DTNBP1: variants seen among roughly 807,000 people sequenced by gnomAD.
DTNBP1 encodes the protein dysbindin.
DTNBP1 carries 35 observed loss-of-function variants against 42.8 expected under a neutral mutation model. The observed-to-expected ratio is 0.82, with a 90% CI of 0.63 to 1.09. The LOEUF is 1.09. Among genes scored for constraint, DTNBP1 ranks in the 50% least tolerant of loss-of-function variants. The probability of loss-of-function intolerance (pLI) is 0.00; values close to 1 mark genes in which losing one functional copy is unlikely to be tolerated. For missense variants in DTNBP1, 457 were observed against 424.2 expected (o/e 1.08, Z -0.68); for synonymous variants, 171 against 162.2 (o/e 1.05, Z -0.41).
chr6:15,630,295 AAGAG>A (rs975649583), intron 4 of DTNBP1, among the ~76,000 whole-genome samples: 1 of 152,228 alleles, frequency 6.6e-6, no homozygotes, highest in African/African-American at 2.4e-5. Flanking sequence ...TGAGAAAACT[AAGAG>A]AGGCCATGTT....
intron 8 of DTNBP1, among the ~76,000 whole-genome samples, chr6:15,527,737 A>G (rs1772503520): frequency 6.6e-6 from 1 of 152,216 alleles, no homozygotes; most frequent in East Asian, 1.9e-4. Flanking sequence ...CTCATCGTAA[A>G]TAGAGATGAA....
At chr6:15,612,921 C>T (rs981063317) in intron 6 of DTNBP1, among the ~76,000 whole-genome samples, 1 of 152,196 alleles carries the variant, frequency 6.6e-6, no homozygotes, top group Non-Finnish European at 1.5e-5. Context: ...TCTACCTCTG[C>T]TATCTTCCTC....
intron 6 of DTNBP1, among the ~76,000 whole-genome samples, chr6:15,596,051 G>T (rs959694290): frequency 2.0e-5 from 3 of 152,204 alleles, no homozygotes; most frequent in South Asian, 2.1e-4. Context: ...TTGGGGGCAC[G>T]TGGGGAAGAG....
intron 8 of DTNBP1, among the ~76,000 whole-genome samples, chr6:15,526,402 C>T (rs751698003): frequency 6.6e-6 from 1 of 152,230 alleles, no homozygotes; most frequent in African/African-American, 2.4e-5. Context: ...GAGATTGCGG[C>T]TTCATCTGGG....
intron 7 of DTNBP1, among the ~76,000 whole-genome samples, chr6:15,566,461 T>C (rs1477603638): frequency 6.6e-6 from 1 of 152,108 alleles, no homozygotes; most frequent in African/African-American, 2.4e-5. Context: ...CATACCTTCT[T>C]CATTCTGGAG....
intron 4 of DTNBP1, among the ~76,000 whole-genome samples, chr6:15,634,340 A>G (rs1239620290): frequency 6.6e-6 from 1 of 152,142 alleles, no homozygotes; most frequent in Non-Finnish European, 1.5e-5. Context: ...GAAGATAAAC[A>G]GAGTCTTGCT....
At chr6:15,655,528 T>C (rs948340454) in intron 1 of DTNBP1, among the ~76,000 whole-genome samples, 1 of 152,022 alleles carries the variant, frequency 6.6e-6, no homozygotes, top group African/African-American at 2.4e-5. Context: ...GAAAAGAAAC[T>C]GTTGGAGAAA....
At chr6:15,604,626 T>G (rs763261525) in intron 6 of DTNBP1, among the ~76,000 whole-genome samples, 4 of 152,148 alleles carry the variant, frequency 2.6e-5, no homozygotes, top group Non-Finnish European at 5.9e-5. Flanking sequence ...ATTTGGCAAG[T>G]TAGTCTCTAG....
intron 7 of DTNBP1, chr6:15,546,104 TG>T (rs1312418071): frequency 1.4e-5 from 6 of 414,838 alleles, no homozygotes; most frequent in Admixed American, 5.5e-5. Flanking sequence ...CTTGCTCTGT[TG>T]CCCAGGCTGG....
intron 4 of DTNBP1, among the ~76,000 whole-genome samples, chr6:15,636,473 G>C (rs1047323848): frequency 1.5e-4 from 23 of 152,140 alleles, no homozygotes; most frequent in Middle Eastern, 6.8e-3. Context: ...TCTTAACTTA[G>C]AGGTTCTTTG....
At chr6:15,555,856 G>A (rs187648329) in intron 7 of DTNBP1, among the ~76,000 whole-genome samples, 1 of 151,686 alleles carries the variant, frequency 6.6e-6, no homozygotes, top group Non-Finnish European at 1.5e-5. Flanking sequence ...CTCTGAATTT[G>A]CCTTCATTCT....
chr6:15,599,012 T>C (rs1466921750), intron 6 of DTNBP1, among the ~76,000 whole-genome samples: 2 of 152,084 alleles, frequency 1.3e-5, no homozygotes, highest in African/African-American at 2.4e-5. Context: ...CTGAAGGATA[T>C]GGTAACAAAG....
chr6:15,661,914 G>A (rs1761656053), intron 1 of DTNBP1, among the ~76,000 whole-genome samples: 1 of 152,148 alleles, frequency 6.6e-6, no homozygotes, highest in South Asian at 2.1e-4. Flanking sequence ...TACGGTAGCG[G>A]AAACAGTACA....
intron 3 of DTNBP1, among the ~76,000 whole-genome samples, chr6:15,642,529 C>T (rs989856446): frequency 1.3e-5 from 2 of 152,206 alleles, no homozygotes; most frequent in East Asian, 1.9e-4. Flanking sequence ...GCCTGAACTG[C>T]ATCACCAAAT....
At chr6:15,578,194 T>G (rs1775665319) in intron 7 of DTNBP1, among the ~76,000 whole-genome samples, 1 of 152,034 alleles carries the variant, frequency 6.6e-6, no homozygotes, top group Non-Finnish European at 1.5e-5. Context: ...GAAGCCAGAG[T>G]AAGCCGACGC....
intron 7 of DTNBP1, among the ~76,000 whole-genome samples, chr6:15,550,522 C>T (rs1214864405): frequency 1.3e-5 from 2 of 152,148 alleles, no homozygotes; most frequent in Admixed American, 1.3e-4. Flanking sequence ...CTCATGCCAC[C>T]AGTTGGAAAT....
chr6:15,535,015 C>T (rs572818854), intron 7 of DTNBP1, among the ~76,000 whole-genome samples: 5 of 152,272 alleles, frequency 3.3e-5, no homozygotes, highest in South Asian at 2.1e-4. Context: ...CCTCAAGGCA[C>T]GTGATATGGT....
intron 9 of DTNBP1, 93 bp from the exon 10 acceptor site, chr6:15,523,312 AG>A (rs1053497439): frequency 6.5e-7 from 1 of 1,546,700 alleles, no homozygotes. Context: ...CCGTCATGAA[AG>A]GGGGGTGTGG....
At chr6:15,562,535 T>G (rs1774890879) in intron 7 of DTNBP1, among the ~76,000 whole-genome samples, 1 of 152,218 alleles carries the variant, frequency 6.6e-6, no homozygotes, top group South Asian at 2.1e-4. Flanking sequence ...ATAAGTTGCT[T>G]TCCATTTTTT....
Sources: gnomAD v4.1 joint callset for allele counts (sites outside exome capture counted in the v4.1 genomes callset) on GRCh38, gnomAD v4.1.1 for gene constraint, MANE v1.5 for transcripts, NCBI Gene and HGNC (gene_info 2026-07-23, HGNC 2026-07-21) for gene names.